UBE2N: variants seen among roughly 807,000 people sequenced by gnomAD.
UBE2N encodes ubiquitin conjugating enzyme E2 N, also known as ubiquitin-conjugating enzyme E2 N.
For synonymous variants in UBE2N, 70 were observed against 69.2 expected, an observed-to-expected ratio of 1.01 and a Z score of -0.06; for missense variants, 60 against 192.1, an observed-to-expected ratio of 0.31 and a Z score of 4.07.
intron 1 of UBE2N, among the ~76,000 whole-genome samples, chr12:93,421,767 C>G (rs1465882400): frequency 6.6e-6 from 1 of 152,098 alleles, no homozygotes; most frequent in Admixed American, 6.5e-5. Context: ...AACCATTTTG[C>G]CTATCTTTGA....
rs1292110302 is a variant in UBE2N, at chr12:93,441,917, G to C, written c.-33C>G. 2 of 1,565,240 alleles carry C rather than the reference G, an allele frequency of 1.3e-6. No individual in the cohort carries two copies. The highest frequency in any genetic ancestry group is 1.4e-5 in the African/African-American group (1 of 70,742). On this transcript the variant is annotated 5_prime_UTR_variant, in exon 1 of 4. Transcript: ENST00000318066. ...GAACCCGAGTTCGGCCTCTGGTCTC[G>C]TCTCCGGCTCCTCTCGCCTCACGCA...
chr12:93,419,333 T>C (rs1222177124), intron 1 of UBE2N, among the ~76,000 whole-genome samples: 1 of 151,242 alleles, frequency 6.6e-6, no homozygotes, highest in African/African-American at 2.4e-5. Flanking sequence ...GAGGTTGCAG[T>C]GAGCCGAGAT....
intron 1 of UBE2N, among the ~76,000 whole-genome samples, chr12:93,412,704 T>C (rs139572060): frequency 6.6e-6 from 1 of 152,258 alleles, no homozygotes; most frequent in African/African-American, 2.4e-5. Flanking sequence ...GCTAGCAACT[T>C]AGAACTTTTT....
chr12:93,421,718 T>C (rs1331905278), intron 1 of UBE2N, among the ~76,000 whole-genome samples: 1 of 152,130 alleles, frequency 6.6e-6, no homozygotes, highest in Non-Finnish European at 1.5e-5. Flanking sequence ...GATTGAAAAA[T>C]TGGTATATAC....
At chr12:93,420,521 G>A (rs541186089) in intron 1 of UBE2N, among the ~76,000 whole-genome samples, 27 of 152,100 alleles carry the variant, frequency 1.8e-4, no homozygotes, top group South Asian at 2.1e-4. Context: ...CTGTAACTAC[G>A]CACAATAACT....
intron 1 of UBE2N, among the ~76,000 whole-genome samples, chr12:93,438,298 TAGG>T (rs1431783182): frequency 3.1e-4 from 47 of 151,802 alleles, no homozygotes; most frequent in African/African-American, 1.1e-3. Flanking sequence ...GAAAGGGAGA[TAGG>T]AGGATAAAAT....
Position 93,409,973 on chromosome 12 carries a change from G to A in UBE2N, c.*66C>T, listed in dbSNP as rs111847364. 4.6e-6 allele frequency: 7 copies of A among 1,517,092 alleles called. No homozygotes were observed. Among genetic ancestry groups the A allele is most frequent in the Non-Finnish European group, 6.4e-6 (7 of 1,096,212 alleles). The allele number at this position is 1,517,092 out of a possible 1,614,324, so 94.0% of individuals were successfully genotyped here. On this transcript the variant is annotated 3_prime_UTR_variant, in exon 4 of 4. Coordinates refer to ENST00000318066, the MANE Select transcript of UBE2N (RefSeq NM_003348.4). ...GTTTCTAAGACTGTGTCCATTAAATGCAAACAAAGAGGAGGAAGTCTTGGC... is the reference window on the plus strand; with the variant it reads ...GTTTCTAAGACTGTGTCCATTAAATACAAACAAAGAGGAGGAAGTCTTGGC...
intron 1 of UBE2N, among the ~76,000 whole-genome samples, chr12:93,421,216 T>C (rs1845371): frequency 1.0e-4 from 14 of 137,662 alleles, no homozygotes; most frequent in African/African-American, 2.6e-4. Context: ...TTGGGGGGGC[T>C]GGGGGGACAG....
rs564954949 is a variant in UBE2N, at chr12:93,433,254, A to C, written c.30+8601T>G. Among the ~76,000 whole-genome samples, 259 of 152,250 alleles carry C rather than the reference A, an allele frequency of 1.7e-3. 1 individual carries two copies. The highest frequency in any genetic ancestry group is 6.1e-3 in the African/African-American group (255 of 41,548). On this transcript the variant is annotated intron_variant, in intron 1 of 3. Coordinates refer to ENST00000318066, the MANE Select transcript of UBE2N (RefSeq NM_003348.4). ...GGCCAGGATTTTTAAAAAATATAAA[A>C]TGCCCCCAATGGTGTCATGTAGCCC...
chr12:93,405,968 A>T lies in UBE2N; in HGVS notation c.*4071T>A, dbSNP rs1404913018. 6.6e-6 allele frequency: 1 copy of T among 152,156 alleles called. No homozygotes were observed. Among genetic ancestry groups the T allele is most frequent in the Non-Finnish European group, 1.5e-5 (1 of 68,036 alleles). 9.4% of individuals were successfully genotyped at this position (152,156 alleles called of 1,614,324 possible). A position where few individuals can be genotyped will look rare whatever the true frequency, so the allele number is the denominator to read the frequency against. The stretch of plus-strand genomic sequence containing the variant: ...TAAGGTTGTATTGCTACTGCAACTA[A>T]CAAAAAAGATGTGGCAGGGCTGGGC... On this transcript the variant is annotated 3_prime_UTR_variant, in exon 4 of 4. Transcript: ENST00000318066.
intron 1 of UBE2N, among the ~76,000 whole-genome samples, chr12:93,420,505 C>T (rs945068721): frequency 1.3e-5 from 2 of 152,082 alleles, no homozygotes; most frequent in African/African-American, 4.8e-5. Flanking sequence ...ACCACCTCTC[C>T]ACTTACTGTA....
At chr12:93,429,704 C>G (rs978556742) in intron 1 of UBE2N, among the ~76,000 whole-genome samples, 10 of 152,002 alleles carry the variant, frequency 6.6e-5, no homozygotes, top group Non-Finnish European at 7.4e-5. Flanking sequence ...ACAAGAGGAG[C>G]TGGAAGACAG....
chr12:93,439,128 A>G (rs1825324222), intron 1 of UBE2N, among the ~76,000 whole-genome samples: 1 of 152,258 alleles, frequency 6.6e-6, no homozygotes, highest in African/African-American at 2.4e-5. Flanking sequence ...ACCTTATTTT[A>G]ACATTTTCAT....
At chr12:93,437,963 A>G (rs1878984515) in intron 1 of UBE2N, among the ~76,000 whole-genome samples, 2 of 152,254 alleles carry the variant, frequency 1.3e-5, no homozygotes, top group African/African-American at 4.8e-5. Flanking sequence ...CAAAAAAGAA[A>G]TAATGTAAAA....
chr12:93,427,503 A>G (rs1269254082), intron 1 of UBE2N, among the ~76,000 whole-genome samples: 1 of 152,262 alleles, frequency 6.6e-6, no homozygotes, highest in African/African-American at 2.4e-5. Context: ...CAGAAAGAAA[A>G]GGCCACATAT....
intron 1 of UBE2N, among the ~76,000 whole-genome samples, chr12:93,413,838 G>A (rs1465315776): frequency 6.6e-6 from 1 of 152,096 alleles, no homozygotes; most frequent in Non-Finnish European, 1.5e-5. Context: ...TACCTCCCTC[G>A]CAGGTCTATT....
chr12:93,433,870 A>T (rs1878843171), intron 1 of UBE2N, among the ~76,000 whole-genome samples: 1 of 152,258 alleles, frequency 6.6e-6, no homozygotes, highest in Admixed American at 6.5e-5. Context: ...AAATCCATTT[A>T]CACAGGTAAA....
intron 1 of UBE2N, among the ~76,000 whole-genome samples, chr12:93,411,882 C>T (rs886906042): frequency 2.6e-5 from 4 of 151,998 alleles, no homozygotes; most frequent in East Asian, 1.9e-4. Flanking sequence ...TTAGTAGAGA[C>T]GGTATCACCC....
chr12:93,441,734 C>A, intron 1 of UBE2N, 121 bp downstream of exon 1: 1 of 1,383,666 alleles, frequency 7.2e-7, no homozygotes, highest in African/African-American at 1.5e-5. Context: ...CAACCCCTCT[C>A]CGCGCCGCCT....
Sources: allele counts gnomAD v4.1 joint callset (sites outside exome capture counted in the v4.1 genomes callset), GRCh38; gene constraint gnomAD v4.1.1; transcripts MANE v1.5; gene names NCBI Gene and HGNC (gene_info 2026-07-23, HGNC 2026-07-21).